The following HDAC9 variants were observed in gnomAD, a reference collection of about 807,000 sequenced individuals.
The protein encoded by HDAC9 is MEF-2 interacting transcription repressor (MITR) protein.
In HDAC9, 41 loss-of-function variants were observed where a neutral mutation model predicts 139.4. The observed-to-expected ratio is 0.29, with a 90% CI of 0.23 to 0.38. The LOEUF is 0.38. Among genes scored for constraint, HDAC9 ranks in the 10% least tolerant of loss-of-function variants. HDAC9 has a pLI of 1.00. For synonymous variants in HDAC9, 517 were observed against 476.2 expected, an observed-to-expected ratio of 1.09 and a Z score of -1.12; for missense variants, 1,147 against 1,297.0, an observed-to-expected ratio of 0.88 and a Z score of 1.78.
At chr7:18,682,745 G>A (rs1781976329) in intron 12 of HDAC9, among the ~76,000 whole-genome samples, 1 of 151,950 alleles carries the variant, frequency 6.6e-6, no homozygotes, top group African/African-American at 2.4e-5. Context: ...TTTTCTGGGA[G>A]GTGGAGGTGG....
At chr7:18,766,984 T>C in intron 15 of HDAC9, 122 bp from the exon 16 acceptor site, 1 of 470,296 alleles carries the variant, frequency 2.1e-6, no homozygotes. Context: ...GTTTTATTAA[T>C]TTATTTTTGC....
At chr7:18,270,890 A>T (rs1024783867) in intron 2 of HDAC9, among the ~76,000 whole-genome samples, 9 of 152,216 alleles carry the variant, frequency 5.9e-5, no homozygotes, top group African/African-American at 2.2e-4. Context: ...AGAAAAATAA[A>T]TAACAAGTTA....
Position 18,744,012 on chromosome 7 carries a change from G to GGTTTTTTTTT in HDAC9, c.1910-4993_1910-4992insGTTTTTTTTT, listed in dbSNP as rs1787701197. On this transcript the variant is annotated intron_variant, in intron 13 of 25. Transcript: ENST00000686413. ...TTTTTACATCTCACTTTTACTACTA[G>GGTTTTTTTTT]TTTTTTTTTTTTTTTTTTTTTGAGA... Among the ~76,000 whole-genome samples, 43 of 110,426 alleles carry GGTTTTTTTTT rather than the reference G, an allele frequency of 3.9e-4. 1 individual carries two copies. The highest frequency in any genetic ancestry group is 1.5e-3 in the African/African-American group (42 of 28,954). 72.4% of individuals were successfully genotyped at this position (110,426 alleles called of 152,430 possible). A position where few individuals can be genotyped will look rare whatever the true frequency, so the allele number is the denominator to read the frequency against.
At chr7:18,990,890 G>A (rs191459432) in intron 25 of HDAC9, among the ~76,000 whole-genome samples, 27 of 152,330 alleles carry the variant, frequency 1.8e-4, no homozygotes, top group African/African-American at 5.1e-4. Context: ...GCAATGTCTC[G>A]CCCTGCTTGG....
chr7:18,710,131 T>A (rs1281039831), intron 12 of HDAC9, among the ~76,000 whole-genome samples: 1 of 152,156 alleles, frequency 6.6e-6, no homozygotes, highest in Non-Finnish European at 1.5e-5. Flanking sequence ...CTGCGCTATA[T>A]AAAACCATCA....
intron 17 of HDAC9, among the ~76,000 whole-genome samples, chr7:18,809,280 A>G (rs1443382392): frequency 6.6e-6 from 1 of 152,088 alleles, no homozygotes; most frequent in Non-Finnish European, 1.5e-5. Flanking sequence ...GGGTCTTGGC[A>G]ATGATTTTTT....
At chr7:18,655,644 A>G (rs1414218712) in intron 11 of HDAC9, among the ~76,000 whole-genome samples, 1 of 152,200 alleles carries the variant, frequency 6.6e-6, no homozygotes, top group Non-Finnish European at 1.5e-5. Context: ...AAAAGAAACA[A>G]AATGACCATT....
chr7:18,137,552 A>G (rs945601378), intron 1 of HDAC9, among the ~76,000 whole-genome samples: 8 of 151,766 alleles, frequency 5.3e-5, no homozygotes, highest in Non-Finnish European at 1.0e-4. Context: ...TTCTGCATCT[A>G]TTGAGATAAT....
intron 5 of HDAC9, among the ~76,000 whole-genome samples, 169 bp from the exon 6 acceptor site, chr7:18,593,739 G>T (rs1296419226): frequency 6.6e-6 from 1 of 152,090 alleles, no homozygotes; most frequent in Non-Finnish European, 1.5e-5. Context: ...TCATTCCATA[G>T]CATACTGCTA....
At chr7:18,632,745 A>G (rs150315910) in intron 7 of HDAC9, among the ~76,000 whole-genome samples, 2 of 152,158 alleles carry the variant, frequency 1.3e-5, no homozygotes, top group East Asian at 3.9e-4. Flanking sequence ...AGACTACTGT[A>G]GTGACTCAGA....
Position 18,392,321 on chromosome 7 carries a change from A to T in HDAC9, c.-42+101806A>T, listed in dbSNP as rs1019085589. Among the ~76,000 whole-genome samples, 347 of 138,882 alleles carry T rather than the reference A, an allele frequency of 2.5e-3. 1 individual carries two copies. Among genetic ancestry groups the T allele is most frequent in the African/African-American group, 0.01 (323 of 31,364 alleles). 91.1% of individuals were successfully genotyped at this position (138,882 alleles called of 152,430 possible). A position where few individuals can be genotyped will look rare whatever the true frequency, so the allele number is the denominator to read the frequency against. ...CTCTCTCTCTCTCTCTCTCTCACAC[A>T]CACACACACACACACACACACACAC... On this transcript the variant is annotated intron_variant, in intron 1 of 3. Coordinates refer to the HDAC9 transcript ENST00000413509.
chr7:18,959,584 C>G (rs1343251897), intron 24 of HDAC9, among the ~76,000 whole-genome samples: 1 of 152,110 alleles, frequency 6.6e-6, no homozygotes, highest in Non-Finnish European at 1.5e-5. Context: ...GATACGAATT[C>G]CATCGTAATC....
chr7:18,650,222 A>C (rs1358854299), intron 11 of HDAC9, among the ~76,000 whole-genome samples: 1 of 152,140 alleles, frequency 6.6e-6, no homozygotes, highest in Admixed American at 6.5e-5. Flanking sequence ...TCCACTGTTT[A>C]GTGCAAGAAA....
intron 13 of HDAC9, among the ~76,000 whole-genome samples, chr7:18,744,092 G>C (rs1787718786): frequency 7.1e-6 from 1 of 139,960 alleles, no homozygotes; most frequent in East Asian, 2.4e-4. Context: ...CCAGGTTCAA[G>C]CGATCCTCCT....
intron 3 of HDAC9, among the ~76,000 whole-genome samples, chr7:18,588,997 A>G (rs1830195185): frequency 6.6e-6 from 1 of 152,160 alleles, no homozygotes; most frequent in African/African-American, 2.4e-5. Context: ...CTTAAAAACT[A>G]AATTTTATGT....
intron 1 of HDAC9, among the ~76,000 whole-genome samples, chr7:18,386,540 A>C (rs952310616): frequency 3.3e-5 from 5 of 152,158 alleles, no homozygotes; most frequent in Non-Finnish European, 7.3e-5. Context: ...CCTAACTTGA[A>C]ACCCAGGTCA....
At chr7:18,323,448 G>A (rs1800183042) in intron 1 of HDAC9, among the ~76,000 whole-genome samples, 1 of 152,110 alleles carries the variant, frequency 6.6e-6, no homozygotes, top group Non-Finnish European at 1.5e-5. Context: ...CTCACCCACA[G>A]TGAAAGCTCC....
chr7:18,954,107 A>G (rs1782986506), intron 23 of HDAC9, 39 bp from the exon 24 acceptor site: 4 of 1,390,078 alleles, frequency 2.9e-6, no homozygotes, highest in East Asian at 2.5e-5. Context: ...CTATAAAGTC[A>G]TAATATTCTG....
intron 11 of HDAC9, among the ~76,000 whole-genome samples, chr7:18,666,005 T>C (rs914836627): frequency 1.3e-5 from 2 of 152,156 alleles, no homozygotes; most frequent in African/African-American, 2.4e-5. Context: ...CCTTATTCAC[T>C]GCCTACTGGA....
Sources: gnomAD v4.1 joint callset for allele counts (sites outside exome capture counted in the v4.1 genomes callset) on GRCh38, gnomAD v4.1.1 for gene constraint, MANE v1.5 for transcripts, NCBI Gene and HGNC (gene_info 2026-07-23, HGNC 2026-07-21) for gene names.